The following SLC4A4 variants were observed in gnomAD, a reference collection of about 807,000 sequenced individuals.
SLC4A4 encodes solute carrier family 4 member 4.
A neutral mutation model predicts 111.5 loss-of-function variants in SLC4A4; 27 were observed. The observed-to-expected ratio is 0.24, with a 90% confidence interval of 0.18 to 0.33. The LOEUF (loss-of-function observed/expected upper bound fraction) is 0.33, where lower values mean the gene tolerates loss of function less well. SLC4A4 is among the 10% of genes least tolerant of loss of function. The pLI, the probability that SLC4A4 is intolerant of heterozygous loss-of-function variation, is 1.00. For missense variants in SLC4A4, 909 were observed against 1,315.5 expected, an observed-to-expected ratio of 0.69 and a Z score of 4.78; for synonymous variants, 443 against 463.4, an observed-to-expected ratio of 0.96 and a Z score of 0.57.
chr4:71,259,357 G>C (rs75594662), intron 3 of SLC4A4, among the ~76,000 whole-genome samples: 1 of 152,048 alleles, frequency 6.6e-6, no homozygotes, highest in African/African-American at 2.4e-5. Context: ...AGCTAGCTTC[G>C]TATCCCCCTC....
intron 6 of SLC4A4, 106 bp downstream of exon 6, chr4:71,357,293 C>A: frequency 8.6e-7 from 1 of 1,159,386 alleles, no homozygotes; most frequent in Non-Finnish European, 1.3e-6. Context: ...TTTTTCTTTT[C>A]TTGAGTTCAT....
intron 2 of SLC4A4, among the ~76,000 whole-genome samples, chr4:71,136,552 G>A (rs1036147887): frequency 1.3e-5 from 2 of 152,182 alleles, no homozygotes; most frequent in African/African-American, 2.4e-5. Context: ...AAGGACTCAA[G>A]ACTCAGTTAT....
chr4:71,426,365 AAC>A (rs1723137127), intron 7 of SLC4A4, among the ~76,000 whole-genome samples: 1 of 152,072 alleles, frequency 6.6e-6, no homozygotes, highest in East Asian at 1.9e-4. Flanking sequence ...TGATACTCGA[AAC>A]ACAGCTGGTG....
intron 2 of SLC4A4, among the ~76,000 whole-genome samples, chr4:71,124,115 T>A (rs1336712333): frequency 6.6e-6 from 1 of 151,986 alleles, no homozygotes; most frequent in East Asian, 1.9e-4. Context: ...AGTCTGAGAA[T>A]TTGGTATATG....
chr4:71,512,365 T>C (rs1732006897), intron 16 of SLC4A4, among the ~76,000 whole-genome samples: 1 of 152,188 alleles, frequency 6.6e-6, no homozygotes, highest in African/African-American at 2.4e-5. Context: ...TATCTCATTG[T>C]AGTTTTGATT....
chr4:71,295,766 C>T (rs1269726698), intron 3 of SLC4A4, among the ~76,000 whole-genome samples: 1 of 152,050 alleles, frequency 6.6e-6, no homozygotes, highest in Non-Finnish European at 1.5e-5. Flanking sequence ...TCAAGTGATT[C>T]TCCTGCCTCA....
chr4:71,482,717 TC>T (rs1728996399), intron 14 of SLC4A4, among the ~76,000 whole-genome samples: 1 of 151,668 alleles, frequency 6.6e-6, no homozygotes, highest in African/African-American at 2.4e-5. Flanking sequence ...ATGTTGCCTT[TC>T]CTCAAAAGCT....
chr4:71,205,848 A>G (rs989984638), intron 1 of SLC4A4, among the ~76,000 whole-genome samples: 5 of 152,348 alleles, frequency 3.3e-5, no homozygotes, highest in Middle Eastern at 3.4e-3. Flanking sequence ...ACAGTACATT[A>G]AATTTGGAAA....
At chr4:71,440,854 G>C in intron 8 of SLC4A4, 81 bp downstream of exon 8, 1 of 1,488,448 alleles carries the variant, frequency 6.7e-7, no homozygotes, top group East Asian at 2.3e-5. Flanking sequence ...TCAATAGAAT[G>C]AGGAAATATT....
chr4:71,288,224 C>A (rs888925841), intron 3 of SLC4A4, among the ~76,000 whole-genome samples: 2 of 152,106 alleles, frequency 1.3e-5, no homozygotes, highest in Non-Finnish European at 2.9e-5. Context: ...TGGTGACTTA[C>A]TTGAAAGCCA....
intron 3 of SLC4A4, among the ~76,000 whole-genome samples, chr4:71,303,980 AAC>A (rs1432061768): frequency 6.6e-6 from 1 of 152,162 alleles, no homozygotes; most frequent in African/African-American, 2.4e-5. Flanking sequence ...TAATCCCCAT[AAC>A]AATTACTTGA....
At chr4:71,361,702 C>G (rs1285828355) in intron 6 of SLC4A4, among the ~76,000 whole-genome samples, 1 of 151,934 alleles carries the variant, frequency 6.6e-6, no homozygotes, top group Admixed American at 6.6e-5. Flanking sequence ...ATGATTCTAC[C>G]TAATAATTTG....
chr4:71,486,739 G>A (rs1729438376), intron 14 of SLC4A4, among the ~76,000 whole-genome samples: 1 of 150,954 alleles, frequency 6.6e-6, no homozygotes, highest in Admixed American at 6.6e-5. Context: ...TTTCTTATCA[G>A]ATTAGAGCAC....
intron 3 of SLC4A4, among the ~76,000 whole-genome samples, chr4:71,321,780 G>A (rs930407906): frequency 1.3e-5 from 2 of 151,896 alleles, no homozygotes; most frequent in African/African-American, 4.8e-5. Flanking sequence ...CCTCTTCAAG[G>A]TTTGACCTCC....
intron 3 of SLC4A4, chr4:71,300,969 G>T: frequency 2.0e-6 from 1 of 506,766 alleles, no homozygotes; most frequent in South Asian, 1.5e-5. Context: ...GGCTGATCAT[G>T]TGAAGGGAGC....
chr4:71,299,582 C>A (rs989991860), intron 3 of SLC4A4, among the ~76,000 whole-genome samples: 3 of 152,150 alleles, frequency 2.0e-5, no homozygotes, highest in African/African-American at 7.2e-5. Context: ...TAAGCCAGGG[C>A]CCAGGGCCAA....
Position 71,068,666 on chromosome 4 carries a change from A to T in SLC4A4, c.-65+5878A>T, listed in dbSNP as rs371371592. ...AACCTCCGCCTCTCAGTGTCAAGTGATCCTCCAACCTTAGCCTCCCAAGTA... is the reference window on the plus strand; with the variant it reads ...AACCTCCGCCTCTCAGTGTCAAGTGTTCCTCCAACCTTAGCCTCCCAAGTA... On this transcript the variant is annotated intron_variant, in intron 1 of 26. Coordinates refer to the SLC4A4 transcript ENST00000649996. Among the ~76,000 whole-genome samples, 6 of 151,342 alleles carry T rather than the reference A, an allele frequency of 4.0e-5. No homozygotes were observed. In the East Asian group the frequency reaches 1.2e-3, roughly 29 times the overall value.
intron 2 of SLC4A4, among the ~76,000 whole-genome samples, chr4:71,123,625 A>G (rs1229003789): frequency 2.0e-5 from 3 of 152,240 alleles, no homozygotes; most frequent in African/African-American, 7.2e-5. Flanking sequence ...TAAAATAAGT[A>G]AATGTAAAAA....
At chr4:71,252,554 C>A (rs1294185437) in intron 2 of SLC4A4, among the ~76,000 whole-genome samples, 1 of 152,164 alleles carries the variant, frequency 6.6e-6, no homozygotes, top group Non-Finnish European at 1.5e-5. Flanking sequence ...TTGCTCAGCT[C>A]AGTGGCTTGA....
Sources: allele counts gnomAD v4.1 joint callset (sites outside exome capture counted in the v4.1 genomes callset), GRCh38; gene constraint gnomAD v4.1.1; transcripts MANE v1.5; gene names NCBI Gene and HGNC (gene_info 2026-07-23, HGNC 2026-07-21).